The following SP2 variants were observed in gnomAD, a reference collection of about 807,000 sequenced individuals.
SP2 encodes Sp2 transcription factor.
In SP2, 9 loss-of-function variants were observed where a neutral mutation model predicts 50.1. That is an observed-to-expected ratio of 0.18 (90% CI 0.11 to 0.31). The LOEUF is 0.31. SP2 is among the 10% of genes least tolerant of loss of function. The pLI is 1.00. For synonymous variants in SP2, 313 were observed against 326.6 expected (o/e 0.96, Z 0.45); for missense variants, 581 against 806.5 (o/e 0.72, Z 3.39).
chr17:47,903,124 C>T (rs1301228655), intron 1 of SP2, among the ~76,000 whole-genome samples: 1 of 152,174 alleles, frequency 6.6e-6, no homozygotes, highest in African/African-American at 2.4e-5. Flanking sequence ...GTTGGATATA[C>T]CAGTCGAGAT....
intron 6 of SP2, among the ~76,000 whole-genome samples, chr17:47,927,027 G>T (rs1454608042): frequency 6.6e-6 from 1 of 152,208 alleles, no homozygotes; most frequent in Non-Finnish European, 1.5e-5. Context: ...GAGTGCTCAG[G>T]GCTGGCAAGG....
intron 1 of SP2, among the ~76,000 whole-genome samples, chr17:47,901,041 G>T (rs2034519013): frequency 6.6e-6 from 1 of 152,134 alleles, no homozygotes; most frequent in African/African-American, 2.4e-5. Flanking sequence ...AGTACAATGG[G>T]ATGTGACGCA....
chr17:47,911,792 G>A (rs1230276145), intron 1 of SP2, among the ~76,000 whole-genome samples: 1 of 148,620 alleles, frequency 6.7e-6, no homozygotes, highest in African/African-American at 2.5e-5. Context: ...GCGACAGAGC[G>A]AGACTCCGTC....
chr17:47,921,320 C>T (rs1261412722), intron 3 of SP2, among the ~76,000 whole-genome samples: 1 of 152,212 alleles, frequency 6.6e-6, no homozygotes, highest in African/African-American at 2.4e-5. Flanking sequence ...ACAATCTCGA[C>T]TCACTGCAAC....
At chr17:47,917,342 A>G (rs1284598715) in intron 3 of SP2, among the ~76,000 whole-genome samples, 1 of 152,186 alleles carries the variant, frequency 6.6e-6, no homozygotes, top group African/African-American at 2.4e-5. Flanking sequence ...TTGATGAAAC[A>G]TAGGGATATT....
intron 1 of SP2, among the ~76,000 whole-genome samples, chr17:47,909,468 G>A (rs1320744268): frequency 1.3e-5 from 2 of 151,512 alleles, no homozygotes; most frequent in African/African-American, 4.9e-5. Flanking sequence ...CCCAGGCTGG[G>A]CTCAAACACC....
At chr17:47,897,152 T>C (rs1483144127) in intron 1 of SP2, among the ~76,000 whole-genome samples, 1 of 152,246 alleles carries the variant, frequency 6.6e-6, no homozygotes, top group Non-Finnish European at 1.5e-5. Context: ...GCTCTCTTCC[T>C]GTACCCACCT....
intron 3 of SP2, among the ~76,000 whole-genome samples, chr17:47,919,831 T>C (rs1276511852): frequency 1.4e-5 from 2 of 138,278 alleles, no homozygotes; most frequent in African/African-American, 5.4e-5. Context: ...ATTCCTTTTT[T>C]TTTTTTTTTT....
chr17:47,925,319 C>T (rs759054142), intron 5 of SP2, 29 bp from the exon 6 acceptor site: 16 of 1,593,590 alleles, frequency 1.0e-5, no homozygotes, highest in Middle Eastern at 3.3e-4. Context: ...TTCCTATTCC[C>T]TCCACTCCAC....
At chr17:47,918,648 T>C (rs2065644831) in intron 3 of SP2, 1 of 152,232 alleles carries the variant, frequency 6.6e-6, no homozygotes, top group African/African-American at 2.4e-5. Flanking sequence ...CTTTATAACA[T>C]CCCAACATGC....
Position 47,925,507 on chromosome 17 carries a change from T to G in SP2, c.1707T>G (p.Ser569Arg). 6.2e-7 allele frequency: 1 copy of G among 1,613,828 alleles called. No homozygotes were observed. The change falls in exon 6 of 7, where the codon AGT (serine) becomes AGG (arginine). Residue 569 changes from serine to arginine, a missense_variant. Physicochemically the swap from Ser to Arg is moderately radical, Grantham distance 110. Coordinates refer to ENST00000376741, the MANE Select transcript of SP2 (RefSeq NM_003110.6). ...TCTGTGGGAAGAGGTTCACACGGAG[T>G]GACGAGCTCCAACGGCATGCTCGCA... ...WFFCGKRFTR[S>R]DELQRHARTH...
intron 5 of SP2, 116 bp downstream of exon 5, chr17:47,925,209 CTG>C: frequency 7.0e-7 from 1 of 1,436,662 alleles, no homozygotes; most frequent in Non-Finnish European, 9.4e-7. Flanking sequence ...GCTGGCAGCT[CTG>C]TGCCACCTTG....
rs762056656 is a variant in SP2, at chr17:47,916,599, T to C, written c.528T>C (p.Pro176=). Residue 176 remains proline (P), a synonymous_variant, in exon 3 of 7, where the codon CCT becomes CCC. Transcript: ENST00000376741. This position sits in a 1 kb window ranked among gnomAD's most constrained non-coding sequence, Gnocchi z 4.7. ...IITPSPSSHK[P]VPIKPAPIQK... is the part of the protein sequence containing the mutation. The stretch of plus-strand genomic sequence containing the variant: ...CCCCCTCACCGTCCAGTCACAAGCC[T>C]GTCCCCATCAAGCCAGCCCCCATCC... The C allele has an allele frequency of 6.2e-7, 1 of 1,614,114 alleles. No individual in the cohort carries two copies.
At chr17:47,917,684 C>T (rs189205166) in intron 3 of SP2, 3 of 277,790 alleles carry the variant, frequency 1.1e-5, no homozygotes, top group South Asian at 2.8e-5. Context: ...TGCAGTGATG[C>T]GGTCACTACA....
chr17:47,910,081 C>T (rs1190634473), intron 1 of SP2, among the ~76,000 whole-genome samples: 1 of 151,900 alleles, frequency 6.6e-6, no homozygotes, highest in African/African-American at 2.4e-5. Flanking sequence ...ACTCCTGATA[C>T]ACCTGCCTCA....
At chr17:47,927,540 A>G (rs1181609586) in intron 6 of SP2, among the ~76,000 whole-genome samples, 184 bp from the exon 7 acceptor site, 1 of 151,824 alleles carries the variant, frequency 6.6e-6, no homozygotes, top group Non-Finnish European at 1.5e-5. Context: ...TCAAAAAAAA[A>G]AAAAAAAAAA....
At position 47,916,881 on chromosome 17, in the gene SP2, C is replaced by T. The variant is rs149293764; in HGVS notation, c.810C>T (p.Ile270=). The T allele has an allele frequency of 3.7e-5, 59 of 1,613,976 alleles. No homozygotes were observed. Among genetic ancestry groups the T allele is most frequent in the Middle Eastern group, 1.6e-4 (1 of 6,084 alleles). ...AVAEQVETVL[I]ETTADNIIQA... is the part of the protein sequence containing the mutation. ...CTGAGCAGGTGGAGACGGTGCTGAT[C>T]GAGACCACCGCGGACAACATCATCC... Residue 270 remains isoleucine, a synonymous_variant, in exon 3 of 7, where the codon ATC becomes ATT. Transcript: ENST00000376741. This position sits in a 1 kb window ranked among gnomAD's most constrained non-coding sequence, Gnocchi z 4.7.
At chr17:47,929,318 G>A, downstream of SP2, among the ~76,000 whole-genome samples, 1 of 152,230 alleles carries the variant, frequency 6.6e-6, no homozygotes, top group Admixed American at 6.5e-5. Flanking sequence ...CTGGAGGAAG[G>A]CATTGGCCTC....
chr17:47,921,182 CTT>C (rs2035442029), intron 3 of SP2, among the ~76,000 whole-genome samples: 1 of 152,192 alleles, frequency 6.6e-6, no homozygotes. Flanking sequence ...GTGATTGCCT[CTT>C]TTTAATTCTG....
Sources: gnomAD v4.1 joint callset for allele counts (sites outside exome capture counted in the v4.1 genomes callset) on GRCh38, gnomAD v4.1.1 for gene constraint, Gnocchi (gnomAD v3.1) non-coding constraint, MANE v1.5 for transcripts, NCBI Gene and HGNC (gene_info 2026-07-23, HGNC 2026-07-21) for gene names.